The following FOXP1 variants were observed in gnomAD, a reference collection of about 807,000 sequenced individuals.
The protein encoded by FOXP1 is forkhead box protein P1.
Under a neutral mutation model 98.2 loss-of-function variants are expected in FOXP1, and 15 were observed. That is an observed-to-expected ratio of 0.15 (90% CI 0.10 to 0.24). The LOEUF is 0.24. Among genes scored for constraint, FOXP1 ranks in the 10% least tolerant of loss-of-function variants. FOXP1 has a pLI of 1.00. For missense variants in FOXP1, 633 were observed against 848.5 expected, an observed-to-expected ratio of 0.75 and a Z score of 3.15; for synonymous variants, 371 against 314.5, an observed-to-expected ratio of 1.18 and a Z score of -1.90.
intron 3 of FOXP1, among the ~76,000 whole-genome samples, chr3:71,374,418 A>G (rs1362193396): frequency 1.3e-5 from 2 of 152,228 alleles, no homozygotes; most frequent in East Asian, 3.9e-4. Flanking sequence ...ACAAGGTGAA[A>G]CCAGTTTGTA....
intron 2 of FOXP1, among the ~76,000 whole-genome samples, chr3:71,502,130 T>G (rs148148292): frequency 6.6e-6 from 1 of 152,358 alleles, no homozygotes; most frequent in Non-Finnish European, 1.5e-5. Flanking sequence ...AGAATCATTT[T>G]CACAAATACC....
At chr3:71,021,108 C>T (rs759531226) in intron 11 of FOXP1, among the ~76,000 whole-genome samples, 19 of 152,156 alleles carry the variant, frequency 1.2e-4, no homozygotes, top group Non-Finnish European at 2.2e-4. Context: ...TCAATATTCA[C>T]GGAGTTGTGT....
chr3:71,433,145 T>C (rs909105646), intron 3 of FOXP1, among the ~76,000 whole-genome samples: 1 of 152,214 alleles, frequency 6.6e-6, no homozygotes, highest in Non-Finnish European at 1.5e-5. Flanking sequence ...ATACATGTTC[T>C]TATATGTAAC....
intron 3 of FOXP1, among the ~76,000 whole-genome samples, chr3:71,427,185 C>T (rs1420272294): frequency 1.3e-5 from 2 of 151,442 alleles, no homozygotes; most frequent in East Asian, 1.9e-4. Flanking sequence ...AGGCAGGAAT[C>T]GCAGCTGTTT....
At chr3:71,011,811 A>G (rs996037763) in intron 12 of FOXP1, among the ~76,000 whole-genome samples, 1 of 152,108 alleles carries the variant, frequency 6.6e-6, no homozygotes, top group Non-Finnish European at 1.5e-5. Flanking sequence ...CACAATAAAT[A>G]ATTGATAGGT....
Position 71,088,395 on chromosome 3 carries a change from T to TTTG in FOXP1, c.282+24140_282+24141insCAA, listed in dbSNP as rs145651275. Among the ~76,000 whole-genome samples, 254 of 128,498 alleles carry TTTG rather than the reference T, an allele frequency of 2.0e-3. 3 individuals carry two copies. The highest frequency in any genetic ancestry group is 0.015 in the South Asian group (42 of 2,864). The allele number at this position is 128,498 out of a possible 152,430, so 84.3% of individuals were successfully genotyped here. On this transcript the variant is annotated intron_variant, in intron 7 of 20. Coordinates refer to ENST00000649528, the MANE Select transcript of FOXP1 (RefSeq NM_001349338.3). ...AACATGTGGTGATACATTGTTTTGT[T>TTTG]TTTTGTTTTTTTTTTTTTGGCTTAC...
rs1421282730 is a variant in FOXP1, at chr3:70,957,741, A to ATGAG, written c.*1502_*1505dup. 2 of 233,514 alleles carry ATGAG rather than the reference A, an allele frequency of 8.6e-6. No individual in the cohort carries two copies. The highest frequency in any genetic ancestry group is 6.0e-5 in the East Asian group (1 of 16,566). The allele number at this position is 233,514 out of a possible 1,614,324, so 14.5% of individuals were successfully genotyped here. On this transcript the variant is annotated 3_prime_UTR_variant, in exon 21 of 21. Coordinates refer to ENST00000649528, the MANE Select transcript of FOXP1 (RefSeq NM_001349338.3). ...GCCCAGGGCCTACATGATATCTTCTATGAGTTTTTGTGATACTGGGTTGGT... is the reference window on the plus strand; with the variant it reads ...GCCCAGGGCCTACATGATATCTTCTATGAGTGAGTTTTTGTGATACTGGGTTGGT...
intron 5 of FOXP1, among the ~76,000 whole-genome samples, chr3:71,208,136 G>A (rs148646713): frequency 6.6e-6 from 1 of 152,254 alleles, no homozygotes; most frequent in East Asian, 1.9e-4. Flanking sequence ...CATCCAACAG[G>A]ATCATATCAA....
intron 6 of FOXP1, among the ~76,000 whole-genome samples, chr3:71,127,233 A>T (rs2059274008): frequency 6.6e-6 from 1 of 152,144 alleles, no homozygotes; most frequent in African/African-American, 2.4e-5. Context: ...GTACCATACC[A>T]GGTTAACAGC....
At chr3:71,400,951 A>AAGAT (rs2081922425) in intron 3 of FOXP1, among the ~76,000 whole-genome samples, 1 of 152,142 alleles carries the variant, frequency 6.6e-6, no homozygotes, top group Non-Finnish European at 1.5e-5. Context: ...GTCTCATAAA[A>AAGAT]ACAGAAGGAT....
At chr3:71,332,814 C>G (rs2076420807) in intron 4 of FOXP1, 1 of 152,216 alleles carries the variant, frequency 6.6e-6, no homozygotes, top group Admixed American at 6.5e-5. Flanking sequence ...AAAGCTAAGA[C>G]TAGCCTCAAG....
At chr3:70,974,751 G>C (rs932316639) in intron 17 of FOXP1, among the ~76,000 whole-genome samples, 2 of 152,196 alleles carry the variant, frequency 1.3e-5, no homozygotes, top group Non-Finnish European at 2.9e-5. Flanking sequence ...TTGAAAAGAA[G>C]TCAACATTGC....
At chr3:71,132,028 G>A (rs1016027432) in intron 6 of FOXP1, among the ~76,000 whole-genome samples, 1 of 152,176 alleles carries the variant, frequency 6.6e-6, no homozygotes, top group African/African-American at 2.4e-5. Context: ...TCCAGTTAGA[G>A]ACCAGGAAAT....
chr3:71,301,677 T>C (rs1461308858), intron 4 of FOXP1, among the ~76,000 whole-genome samples: 1 of 152,234 alleles, frequency 6.6e-6, no homozygotes, highest in Non-Finnish European at 1.5e-5. Flanking sequence ...TTTGCCATCA[T>C]ATAGGCCTGG....
chr3:71,056,017 T>C (rs1180000554), intron 7 of FOXP1, among the ~76,000 whole-genome samples: 1 of 152,096 alleles, frequency 6.6e-6, no homozygotes, highest in Non-Finnish European at 1.5e-5. Context: ...AAAAGAGCTA[T>C]AGAAACCTTA....
chr3:71,370,157 T>A (rs752760815), intron 3 of FOXP1, among the ~76,000 whole-genome samples: 5 of 152,088 alleles, frequency 3.3e-5, no homozygotes, highest in Non-Finnish European at 7.4e-5. Context: ...AAATAATCAA[T>A]CTTCTGCCTT....
At chr3:71,045,082 T>G (rs1351782409) in intron 10 of FOXP1, among the ~76,000 whole-genome samples, 1 of 152,214 alleles carries the variant, frequency 6.6e-6, no homozygotes, top group African/African-American at 2.4e-5. Flanking sequence ...GGTAGTTCAC[T>G]TTACTGCAAG....
intron 3 of FOXP1, among the ~76,000 whole-genome samples, chr3:71,447,547 T>A (rs1239388510): frequency 1.3e-5 from 2 of 152,152 alleles, no homozygotes; most frequent in Non-Finnish European, 2.9e-5. Flanking sequence ...TCTGGACAGA[T>A]GAAACCATCG....
chr3:71,570,253 G>C (rs2047233029), intron 2 of FOXP1: 1 of 150,666 alleles, frequency 6.6e-6, no homozygotes, highest in Admixed American at 6.6e-5. Context: ...GAAACACTTT[G>C]TTTCTTGTTT....
Sources: gnomAD v4.1 joint callset for allele counts (sites outside exome capture counted in the v4.1 genomes callset) on GRCh38, gnomAD v4.1.1 for gene constraint, MANE v1.5 for transcripts, NCBI Gene and HGNC (gene_info 2026-07-23, HGNC 2026-07-21) for gene names.